Variants in CDC73 observed in about 807,000 individuals in gnomAD.
CDC73 encodes the protein cell division cycle 73, also known as parafibromin.
Under a neutral mutation model 83.7 loss-of-function variants are expected in CDC73, and 21 were observed. The observed-to-expected ratio is 0.25, with a 90% CI of 0.18 to 0.36. The LOEUF (loss-of-function observed/expected upper bound fraction) is 0.36. CDC73 is among the 10% of genes least tolerant of loss of function. The pLI is 1.00. For synonymous variants in CDC73, 224 were observed against 212.9 expected, an observed-to-expected ratio of 1.05 and a Z score of -0.45; for missense variants, 342 against 653.3, an observed-to-expected ratio of 0.52 and a Z score of 5.19.
At chr1:193,131,699 ACTTTCT>A (rs1323266851) in intron 3 of CDC73, among the ~76,000 whole-genome samples, 1 of 152,146 alleles carries the variant, frequency 6.6e-6, no homozygotes, top group Non-Finnish European at 1.5e-5. Flanking sequence ...GCACCTTTGC[ACTTTCT>A]CTTTCTATCT....
chr1:193,175,229 G>T (rs1001339955), intron 10 of CDC73, among the ~76,000 whole-genome samples: 17 of 152,100 alleles, frequency 1.1e-4, no homozygotes, highest in African/African-American at 4.1e-4. Context: ...CTGTAATATT[G>T]GCAACAGATT....
chr1:193,143,309 T>C (rs1272725469), intron 7 of CDC73, among the ~76,000 whole-genome samples: 1 of 152,230 alleles, frequency 6.6e-6, no homozygotes, highest in Non-Finnish European at 1.5e-5. Context: ...TGATTTTCAC[T>C]GTCTAGCATG....
intron 5 of CDC73, chr1:193,136,439 A>G (rs551069574): frequency 2.9e-5 from 7 of 241,896 alleles, no homozygotes; most frequent in South Asian, 2.6e-4. Context: ...TAATTGATTC[A>G]TTGTTATTGC....
intron 13 of CDC73, among the ~76,000 whole-genome samples, chr1:193,221,835 TC>T (rs780922002): frequency 1.2e-3 from 180 of 152,202 alleles, no homozygotes; most frequent in Middle Eastern, 6.8e-3. Flanking sequence ...AACTGACATC[TC>T]CCCTACAGTT....
chr1:193,195,086 T>C (rs1324128879), intron 10 of CDC73, among the ~76,000 whole-genome samples: 1 of 152,126 alleles, frequency 6.6e-6, no homozygotes, highest in Non-Finnish European at 1.5e-5. Flanking sequence ...AGTCTCAGGA[T>C]CTGTGTCAGC....
intron 13 of CDC73, among the ~76,000 whole-genome samples, chr1:193,226,104 G>A (rs909691444): frequency 1.9e-4 from 29 of 152,100 alleles, no homozygotes; most frequent in Admixed American, 1.9e-3. Flanking sequence ...TTTGTATAAG[G>A]TGAGAGATGA....
chr1:193,122,493 G>C, intron 1 of CDC73, 162 bp downstream of exon 1: 1 of 900,660 alleles, frequency 1.1e-6, no homozygotes, highest in Non-Finnish European at 1.7e-6. Context: ...CACTTTTAGG[G>C]TAAGGAAAGA....
Position 193,130,251 on chromosome 1 carries a change from CT to C in CDC73, c.307+13del. ...ATCTCAATGGTGAAGCGTGTGAGTACTTTTTAAATTGTTCCCAGTCTTAAAC... is the reference window on the plus strand; with the variant it reads ...ATCTCAATGGTGAAGCGTGTGAGTACTTTTAAATTGTTCCCAGTCTTAAAC... On this transcript the variant is annotated intron_variant, in intron 3 of 16. Coordinates refer to ENST00000367435, the MANE Select transcript of CDC73 (RefSeq NM_024529.5). 2.7e-6 allele frequency: 4 copies of C among 1,504,158 alleles called. No homozygotes were observed. Among genetic ancestry groups the C allele is most frequent in the Non-Finnish European group, 3.7e-6 (4 of 1,080,732 alleles). The allele number at this position is 1,504,158 out of a possible 1,614,324, so 93.2% of individuals were successfully genotyped here. A position where few individuals can be genotyped will look rare whatever the true frequency, so the allele number is the denominator to read the frequency against.
chr1:193,155,769 T>A (rs1036481945), intron 10 of CDC73, among the ~76,000 whole-genome samples: 11 of 152,068 alleles, frequency 7.2e-5, no homozygotes, highest in African/African-American at 2.7e-4. Context: ...AGAGTGAGAC[T>A]CTGTCTCAAA....
intron 10 of CDC73, chr1:193,178,936 A>C (rs376457037): frequency 2.0e-5 from 3 of 152,212 alleles, no homozygotes; most frequent in Non-Finnish European, 4.4e-5. Context: ...AGATTTACAT[A>C]CTTGTATGGA....
intron 14 of CDC73, among the ~76,000 whole-genome samples, chr1:193,234,175 T>TCA (rs71111461): frequency 0.035 from 3,560 of 101,298 alleles, 128 homozygotes; most frequent in East Asian, 0.13. Flanking sequence ...TCTCTCTCTC[T>TCA]CACACACACA....
chr1:193,227,478 A>T (rs1408315353), intron 13 of CDC73, among the ~76,000 whole-genome samples: 2 of 152,244 alleles, frequency 1.3e-5, no homozygotes, highest in East Asian at 3.9e-4. Flanking sequence ...GTTTCAAAAA[A>T]AAAAGAAAGA....
At chr1:193,224,792 T>C (rs1677538107) in intron 13 of CDC73, among the ~76,000 whole-genome samples, 1 of 152,314 alleles carries the variant, frequency 6.6e-6, no homozygotes, top group Non-Finnish European at 1.5e-5. Flanking sequence ...ATTTTTTAGC[T>C]CAACCAATGT....
intron 10 of CDC73, among the ~76,000 whole-genome samples, chr1:193,193,747 A>G (rs1676955877): frequency 6.6e-6 from 1 of 150,950 alleles, no homozygotes; most frequent in East Asian, 1.9e-4. Context: ...CAGAATTTAT[A>G]ACGTTCCAGA....
chr1:193,233,729 GA>G (rs896304233), intron 14 of CDC73, among the ~76,000 whole-genome samples: 15 of 151,202 alleles, frequency 9.9e-5, no homozygotes, highest in Non-Finnish European at 1.2e-4. Flanking sequence ...TTTCTGGTAA[GA>G]AAAAAATGAA....
chr1:193,226,147 A>G (rs543575781), intron 13 of CDC73, among the ~76,000 whole-genome samples: 9 of 152,110 alleles, frequency 5.9e-5, no homozygotes, highest in Admixed American at 1.3e-4. Context: ...TGACTTGCCA[A>G]TTATCCCAGC....
intron 15 of CDC73, among the ~76,000 whole-genome samples, chr1:193,242,290 C>T (rs2102067339): frequency 6.6e-6 from 1 of 152,260 alleles, no homozygotes; most frequent in South Asian, 2.1e-4. Context: ...CTTGTGGTCT[C>T]TAGGCAGCTT....
At chr1:193,249,653 G>A (rs1438495858) in intron 15 of CDC73, 77 bp from the exon 16 acceptor site, 1 of 1,118,052 alleles carries the variant, frequency 8.9e-7, no homozygotes, top group African/African-American at 1.6e-5. Context: ...TACGGCTTCA[G>A]TTGGTGGAAT....
chr1:193,249,202 A>G (rs962123256), intron 15 of CDC73, among the ~76,000 whole-genome samples: 1 of 152,044 alleles, frequency 6.6e-6, no homozygotes, highest in South Asian at 2.1e-4. Context: ...ATAATCCTAC[A>G]CCAGCAAAAA....
Sources: gnomAD v4.1 joint callset for allele counts (sites outside exome capture counted in the v4.1 genomes callset) on GRCh38, gnomAD v4.1.1 for gene constraint, MANE v1.5 for transcripts, NCBI Gene and HGNC (gene_info 2026-07-23, HGNC 2026-07-21) for gene names.